Variants in LIN54 observed in about 807,000 individuals in gnomAD.
LIN54 encodes protein lin-54 homolog.
LIN54 carries 9 observed loss-of-function variants against 78.7 expected under a neutral mutation model. The observed-to-expected ratio is 0.11, with a 90% CI of 0.07 to 0.20. The LOEUF (loss-of-function observed/expected upper bound fraction) is 0.20, where lower values mean the gene tolerates loss of function less well. LIN54 is among the 10% of genes least tolerant of loss of function. The pLI, the probability that LIN54 is intolerant of heterozygous loss-of-function variation, is 1.00. For synonymous variants in LIN54, 269 were observed against 318.4 expected, an observed-to-expected ratio of 0.84 and a Z score of 1.65; for missense variants, 573 against 889.9, an observed-to-expected ratio of 0.64 and a Z score of 4.53.
intron 11 of LIN54, among the ~76,000 whole-genome samples, chr4:82,934,886 G>A (rs1578487397): frequency 6.6e-6 from 1 of 152,266 alleles, no homozygotes; most frequent in South Asian, 2.1e-4. Flanking sequence ...TCACTAGATT[G>A]TTACACATAA....
intron 3 of LIN54, among the ~76,000 whole-genome samples, chr4:82,973,852 A>C (rs1397690352): frequency 6.6e-6 from 1 of 152,234 alleles, no homozygotes; most frequent in East Asian, 1.9e-4. Flanking sequence ...CTACTGTATC[A>C]CTATAGTGCC....
chr4:82,984,855 C>G lies in LIN54; in HGVS notation c.-11G>C. On this transcript the variant is annotated 5_prime_UTR_variant, in exon 2 of 13. Transcript: ENST00000340417. ...TGGCACCACCTCCATGATCGTTCTCCCGCTAGAAAGTTGATCAGGCACTGT... is the reference window on the plus strand; with the variant it reads ...TGGCACCACCTCCATGATCGTTCTCGCGCTAGAAAGTTGATCAGGCACTGT... 6.3e-7 allele frequency: 1 copy of G among 1,595,652 alleles called. No homozygotes were observed. Among genetic ancestry groups the G allele is most frequent in the African/African-American group, 1.3e-5 (1 of 74,646 alleles).
At chr4:83,003,461 C>T (rs1471661008) in intron 1 of LIN54, 1 of 152,164 alleles carries the variant, frequency 6.6e-6, no homozygotes, top group Non-Finnish European at 1.5e-5. Context: ...CCAGAGAAGA[C>T]TGGTATGGCC....
intron 1 of LIN54, 54 bp downstream of exon 1, chr4:83,010,430 C>CAAAAAA: frequency 3.5e-6 from 2 of 576,996 alleles, no homozygotes; most frequent in Non-Finnish European, 4.5e-6. Context: ...CCCATCCCCC[C>CAAAAAA]AAATAAAGAG....
intron 3 of LIN54, among the ~76,000 whole-genome samples, chr4:82,972,928 A>G (rs1243372971): frequency 4.0e-5 from 6 of 150,728 alleles, no homozygotes; most frequent in East Asian, 3.9e-4. Flanking sequence ...CAGCCTGGGC[A>G]ACAAGAGCAA....
At chr4:82,958,335 A>C (rs1390361389) in intron 4 of LIN54, among the ~76,000 whole-genome samples, 1 of 152,174 alleles carries the variant, frequency 6.6e-6, no homozygotes, top group African/African-American at 2.4e-5. Flanking sequence ...TATATTTCTT[A>C]GTCTCCCTTA....
chr4:82,978,999 T>C lies in LIN54; in HGVS notation c.692A>G (p.Lys231Arg), dbSNP rs1341710376. 4 of 1,585,552 alleles carry C rather than the reference T, an allele frequency of 2.5e-6. No individual in the cohort carries two copies. The highest frequency in any genetic ancestry group is 3.4e-6 in the Non-Finnish European group (4 of 1,160,378). ...TQQLKTVQIA[K>R]KPRTPTSGPV... ...ACCAGAGGTTGGCGTTCGAGGCTTC[T>C]TAGCAATCTGAAACATATAAATAAC... The change falls in exon 3 of 13, where the codon AAG becomes AGG. Residue 231 changes from lysine (K) to arginine (R), a missense_variant. Around this residue, in one of 6 missense-constraint regions of LIN54, gnomAD observed 199 missense variants for 260.9 expected, o/e 0.76. Transcript: ENST00000340417.
intron 1 of LIN54, among the ~76,000 whole-genome samples, chr4:82,985,771 C>A (rs1300135798): frequency 1.3e-5 from 2 of 152,214 alleles, no homozygotes; most frequent in South Asian, 2.1e-4. Context: ...GAACTCCTAA[C>A]CTCGGGTGAT....
chr4:82,931,439 T>C (rs1721945350), intron 11 of LIN54, among the ~76,000 whole-genome samples: 1 of 152,192 alleles, frequency 6.6e-6, no homozygotes, highest in African/African-American at 2.4e-5. Flanking sequence ...TTCATAAACA[T>C]GAATGATATC....
upstream of LIN54, among the ~76,000 whole-genome samples, chr4:83,011,692 G>A (rs75427712): frequency 6.5e-3 from 979 of 151,774 alleles, 10 homozygotes; most frequent in African/African-American, 0.022. Context: ...AGGTAGGTAA[G>A]AGTTACCAGC....
At chr4:83,003,778 G>A (rs939237376) in intron 1 of LIN54, among the ~76,000 whole-genome samples, 10 of 152,102 alleles carry the variant, frequency 6.6e-5, no homozygotes, top group South Asian at 2.1e-4. Context: ...CACCCACCTC[G>A]GCCTCACAGA....
chr4:82,937,387 A>C, intron 8 of LIN54, 89 bp from the exon 9 acceptor site: 1 of 767,838 alleles, frequency 1.3e-6, no homozygotes, highest in Non-Finnish European at 2.1e-6. Flanking sequence ...AAATTTAAAA[A>C]ATTAGACCTA....
At chr4:82,978,786 A>G (rs1726380184) in intron 3 of LIN54, 97 bp downstream of exon 3, 3 of 708,020 alleles carry the variant, frequency 4.2e-6, no homozygotes, top group Non-Finnish European at 6.6e-6. Flanking sequence ...AATAAGCTAT[A>G]TTTGTTACAC....
chr4:83,003,110 T>C (rs1729008435), intron 1 of LIN54, among the ~76,000 whole-genome samples: 1 of 152,074 alleles, frequency 6.6e-6, no homozygotes, highest in African/African-American at 2.4e-5. Context: ...GCCTCCCAAG[T>C]TCAAGTGATT....
intron 4 of LIN54, among the ~76,000 whole-genome samples, chr4:82,953,869 G>C (rs1724058370): frequency 6.6e-6 from 1 of 152,162 alleles, no homozygotes; most frequent in Admixed American, 6.5e-5. Context: ...CAGCCTGGGA[G>C]GTGAAGGCTG....
chr4:82,926,177 G>C lies in LIN54; in HGVS notation c.*1925C>G, dbSNP rs1241648542. ...GTATATAAATACACATCACAAAGGT[G>C]CAATTAGAATTAACACAGAGTATGT... On this transcript the variant is annotated 3_prime_UTR_variant, in exon 13 of 13. Coordinates refer to ENST00000340417, the MANE Select transcript of LIN54 (RefSeq NM_194282.4). 3 of 152,366 alleles carry C rather than the reference G, an allele frequency of 2.0e-5. No individual in the cohort carries two copies. Among genetic ancestry groups the C allele is most frequent in the African/African-American group, 7.3e-5 (3 of 41,364 alleles). 9.4% of individuals were successfully genotyped at this position (152,366 alleles called of 1,614,324 possible). A position where few individuals can be genotyped will look rare whatever the true frequency, so the allele number is the denominator to read the frequency against.
chr4:82,935,574 C>T (rs993658224), intron 11 of LIN54, among the ~76,000 whole-genome samples: 2 of 152,032 alleles, frequency 1.3e-5, no homozygotes, highest in African/African-American at 4.8e-5. Flanking sequence ...AGGTGTGAGC[C>T]ACCGCACCCG....
chr4:83,000,599 G>A (rs556776249), intron 1 of LIN54, among the ~76,000 whole-genome samples: 1 of 152,242 alleles, frequency 6.6e-6, no homozygotes, highest in Admixed American at 6.5e-5. Flanking sequence ...TTTCAACACT[G>A]AAGGCATCAA....
intron 3 of LIN54, among the ~76,000 whole-genome samples, chr4:82,975,485 C>T (rs900835671): frequency 4.6e-5 from 7 of 150,808 alleles, no homozygotes; most frequent in African/African-American, 1.5e-4. Context: ...CTGAGGTGGG[C>T]GGATTAGCTG....
Sources: gnomAD v4.1 joint callset for allele counts (sites outside exome capture counted in the v4.1 genomes callset) on GRCh38, gnomAD v4.1.1 for gene constraint, gnomAD v4.1.1 regional missense constraint, MANE v1.5 for transcripts, NCBI Gene and HGNC (gene_info 2026-07-23, HGNC 2026-07-21) for gene names.